OR2L13: variants seen among roughly 807,000 people sequenced by gnomAD.
The protein encoded by OR2L13 is olfactory receptor family 2 subfamily L member 13, also known as olfactory receptor 2L13.
Under a neutral mutation model 15.3 loss-of-function variants are expected in OR2L13, and 14 were observed. The ratio of observed to expected loss-of-function variants is 0.91; its 90% CI spans 0.60 to 1.43. The LOEUF (loss-of-function observed/expected upper bound fraction) is 1.43. OR2L13 is among the 40% of genes most tolerant of loss of function. OR2L13 has a pLI of 0.00. For synonymous variants in OR2L13, 152 were observed against 142.9 expected (o/e 1.06, Z -0.45); for missense variants, 367 against 387.9 (o/e 0.95, Z 0.45).
At chr1:247,970,047 G>A in the OR2L13 span, among the ~76,000 whole-genome samples, 1 of 152,158 alleles carries the variant, frequency 6.6e-6, no homozygotes, top group Non-Finnish European at 1.5e-5. Context: ...ATGTACTACA[G>A]CATTGTAATA....
the OR2L13 span, among the ~76,000 whole-genome samples, chr1:248,080,451 C>T: frequency 1.4e-4 from 21 of 152,074 alleles, no homozygotes; most frequent in African/African-American, 3.9e-4. Flanking sequence ...AAAGAGGCCC[C>T]GGTGTGTGAT....
chr1:247,998,347 T>C, the OR2L13 span, among the ~76,000 whole-genome samples: 1 of 152,114 alleles, frequency 6.6e-6, no homozygotes, highest in African/African-American at 2.4e-5. Context: ...AATTAGACTA[T>C]GCTTTTATAG....
At chr1:248,027,247 C>A in the OR2L13 span, among the ~76,000 whole-genome samples, 2 of 152,122 alleles carry the variant, frequency 1.3e-5, no homozygotes, top group African/African-American at 2.4e-5. Context: ...GAAATTCCTG[C>A]CTAATAAATT....
chr1:247,965,886 G>T, the OR2L13 span: 18 of 1,611,736 alleles, frequency 1.1e-5, no homozygotes, highest in Non-Finnish European at 1.5e-5. Context: ...CATTCTGTAG[G>T]TCTCGGCTCA....
chr1:248,089,907 A>G, the OR2L13 span, among the ~76,000 whole-genome samples: 2 of 152,190 alleles, frequency 1.3e-5, no homozygotes, highest in Admixed American at 1.3e-4. Context: ...ATCACAAATC[A>G]GAAAATTTTT....
the OR2L13 span, among the ~76,000 whole-genome samples, chr1:247,943,874 AAACATCC>A: frequency 2.0e-5 from 3 of 152,202 alleles, no homozygotes; most frequent in African/African-American, 7.2e-5. Context: ...ACTATAAAGT[AAACATCC>A]AACTTCAATA....
chr1:247,996,162 T>C, the OR2L13 span, among the ~76,000 whole-genome samples: 2 of 152,238 alleles, frequency 1.3e-5, no homozygotes, highest in Non-Finnish European at 2.9e-5. Flanking sequence ...TTTGGTGTTT[T>C]GGTCTGCTAC....
the OR2L13 span, among the ~76,000 whole-genome samples, chr1:247,993,041 T>C: frequency 6.6e-6 from 1 of 152,022 alleles, no homozygotes; most frequent in South Asian, 2.1e-4. Context: ...TCTGGTGTTT[T>C]TTTTGATTTT....
chr1:248,022,922 C>G, the OR2L13 span: 1 of 1,550,844 alleles, frequency 6.4e-7, no homozygotes, highest in South Asian at 1.2e-5. Flanking sequence ...GCGCTAGGTT[C>G]ATATCAACTC....
the OR2L13 span, chr1:248,029,016 A>G: frequency 1.3e-5 from 2 of 152,338 alleles, no homozygotes; most frequent in East Asian, 3.9e-4. Flanking sequence ...ATATTGAAAC[A>G]TCGGTACACT....
At chr1:248,018,959 G>A in the OR2L13 span, among the ~76,000 whole-genome samples, 1 of 152,054 alleles carries the variant, frequency 6.6e-6, no homozygotes, top group South Asian at 2.1e-4. Context: ...CATCTATGTT[G>A]TAGCATGTGT....
chr1:247,993,764 A>AGG, the OR2L13 span, among the ~76,000 whole-genome samples: 1 of 45,468 alleles, frequency 2.2e-5, no homozygotes, highest in Admixed American at 2.2e-4. Context: ...AGAGAGGGGG[A>AGG]GAGAGAGAGA....
chr1:248,039,320 A>G, the OR2L13 span: 3 of 957,346 alleles, frequency 3.1e-6, no homozygotes, highest in Non-Finnish European at 4.6e-6. Flanking sequence ...TTAATCTAGA[A>G]GAAATTTGTC....
the OR2L13 span, among the ~76,000 whole-genome samples, chr1:247,983,953 TG>T: frequency 2.6e-5 from 4 of 152,030 alleles, no homozygotes; most frequent in Admixed American, 1.3e-4. Flanking sequence ...AGTGAGGAGA[TG>T]GGGGGTCCAG....
chr1:248,003,157 T>G, the OR2L13 span: 3 of 1,398,640 alleles, frequency 2.1e-6, no homozygotes, highest in Non-Finnish European at 3.0e-6. Flanking sequence ...AAACATCAAC[T>G]GATTTCATCT....
chr1:247,990,303 T>A, the OR2L13 span: 2 of 1,098,986 alleles, frequency 1.8e-6, no homozygotes, highest in African/African-American at 1.5e-5. Flanking sequence ...TGCTTTCATC[T>A]TGTTGGGATT....
At chr1:248,038,952 T>G in the OR2L13 span, 9 of 1,614,158 alleles carry the variant, frequency 5.6e-6, no homozygotes, top group Non-Finnish European at 7.6e-6. Flanking sequence ...CCGCATGCAC[T>G]CTGCAGAAGG....
the OR2L13 span, among the ~76,000 whole-genome samples, chr1:248,032,871 A>G: frequency 4.6e-5 from 7 of 152,168 alleles, no homozygotes; most frequent in African/African-American, 1.2e-4. Context: ...CAGAAGTGAA[A>G]TAGTTGGAAC....
At chr1:248,047,226 C>G in the OR2L13 span, among the ~76,000 whole-genome samples, 2 of 152,092 alleles carry the variant, frequency 1.3e-5, no homozygotes, top group African/African-American at 4.8e-5. Flanking sequence ...TTTCCTCATT[C>G]CTACTTGGCT....
Sources: gnomAD v4.1 joint callset for allele counts (sites outside exome capture counted in the v4.1 genomes callset) on GRCh38, gnomAD v4.1.1 for gene constraint, MANE v1.5 for transcripts, NCBI Gene and HGNC (gene_info 2026-07-23, HGNC 2026-07-21) for gene names.